The following SNX13 variants were observed in gnomAD, a reference collection of about 807,000 sequenced individuals.
SNX13 encodes sorting nexin-13.
SNX13 carries 45 observed loss-of-function variants against 133.6 expected under a neutral mutation model. The ratio of observed to expected loss-of-function variants is 0.34; its 90% CI spans 0.27 to 0.43. The LOEUF (loss-of-function observed/expected upper bound fraction) is 0.43, where lower values mean the gene tolerates loss of function less well. SNX13 is among the 20% of genes least tolerant of loss of function. The pLI, the probability that SNX13 is intolerant of heterozygous loss-of-function variation, is 1.00. For missense variants in SNX13, 1,032 were observed against 1,145.1 expected (o/e 0.90, Z 1.43); for synonymous variants, 414 against 373.9 (o/e 1.11, Z -1.24).
chr7:17,811,552 C>T (rs955230249), intron 20 of SNX13, among the ~76,000 whole-genome samples: 11 of 152,130 alleles, frequency 7.2e-5, no homozygotes, highest in Admixed American at 5.2e-4. Context: ...GAATCAATGT[C>T]GTGAAAATGG....
intron 1 of SNX13, among the ~76,000 whole-genome samples, chr7:17,917,317 C>T (rs937040235): frequency 2.0e-5 from 3 of 151,936 alleles, no homozygotes; most frequent in Admixed American, 6.6e-5. Flanking sequence ...TAGAGCAATC[C>T]GGCAAGGAAA....
At chr7:17,935,376 T>C (rs1158417805) in intron 1 of SNX13, among the ~76,000 whole-genome samples, 1 of 152,064 alleles carries the variant, frequency 6.6e-6, no homozygotes, top group East Asian at 1.9e-4. Flanking sequence ...GAGGGAGCAA[T>C]GGGGATATAC....
intron 1 of SNX13, among the ~76,000 whole-genome samples, chr7:17,931,590 C>A (rs1801394827): frequency 6.6e-6 from 1 of 152,144 alleles, no homozygotes; most frequent in Admixed American, 6.6e-5. Context: ...AGGTATAATA[C>A]CAATTCAGGT....
intron 11 of SNX13, among the ~76,000 whole-genome samples, chr7:17,848,089 C>G (rs1273653104): frequency 6.6e-6 from 1 of 152,100 alleles, no homozygotes; most frequent in African/African-American, 2.4e-5. Context: ...TGGCCGCACA[C>G]CACCCCATCC....
rs1191938222 is a variant in SNX13, at chr7:17,875,580, A to G, written c.564T>C (p.Gly188=). 2 of 1,610,180 alleles carry G rather than the reference A, an allele frequency of 1.2e-6. No homozygotes were observed. The highest frequency in any genetic ancestry group is 3.4e-5 in the Admixed American group (2 of 59,132). ...AGGTATCTACAAGATCTTCTGCTGT[A>G]CCTAAAGAAAAACAATTCAAGATAT... The part of the protein sequence containing the change: ...KITEKDDQVK[G]TAEDLVDTFF... The change falls in exon 7 of 26, where the codon GGT becomes GGC. Residue 188 remains glycine (G), a splice_region_variant and synonymous_variant. Transcript: ENST00000428135.
intron 2 of SNX13, among the ~76,000 whole-genome samples, chr7:17,895,224 T>C (rs1020990058): frequency 3.9e-5 from 6 of 152,194 alleles, no homozygotes; most frequent in African/African-American, 1.4e-4. Flanking sequence ...AGAACCTAAA[T>C]AGTAGTTTCA....
chr7:17,870,163 T>C (rs1793907839), intron 8 of SNX13, among the ~76,000 whole-genome samples: 1 of 152,140 alleles, frequency 6.6e-6, no homozygotes, highest in Non-Finnish European at 1.5e-5. Context: ...CAGCAATGTT[T>C]GTCAAACATG....
chr7:17,829,251 A>G (rs766351776), intron 16 of SNX13, among the ~76,000 whole-genome samples: 1 of 151,214 alleles, frequency 6.6e-6, no homozygotes. Context: ...AACAAACAAC[A>G]CCTTACCTGT....
intron 1 of SNX13, among the ~76,000 whole-genome samples, chr7:17,936,653 C>A (rs1293275466): frequency 6.6e-6 from 1 of 152,012 alleles, no homozygotes; most frequent in Non-Finnish European, 1.5e-5. Flanking sequence ...GAATTATAAT[C>A]CTAATTGCTC....
chr7:17,838,160 G>C (rs1789375086), intron 13 of SNX13, among the ~76,000 whole-genome samples: 1 of 151,906 alleles, frequency 6.6e-6, no homozygotes, highest in Non-Finnish European at 1.5e-5. Context: ...TAGCTAGCAA[G>C]AATCAGACCT....
intron 13 of SNX13, among the ~76,000 whole-genome samples, chr7:17,838,013 T>C (rs1475957355): frequency 6.6e-6 from 1 of 151,926 alleles, no homozygotes; most frequent in African/African-American, 2.4e-5. Flanking sequence ...CGAAACAGTA[T>C]ATAAATTTCT....
At chr7:17,891,018 T>C (rs556031666) in intron 4 of SNX13, among the ~76,000 whole-genome samples, 53 of 151,914 alleles carry the variant, frequency 3.5e-4, no homozygotes, top group Non-Finnish European at 6.8e-4. Flanking sequence ...CAACTCAATG[T>C]ATAATTTTTA....
intron 1 of SNX13, among the ~76,000 whole-genome samples, chr7:17,916,912 C>T (rs1479397514): frequency 6.6e-6 from 1 of 152,116 alleles, no homozygotes; most frequent in East Asian, 1.9e-4. Flanking sequence ...CAAAAATCCT[C>T]AACAAAATAC....
At chr7:17,836,065 T>C (rs1789097129) in intron 13 of SNX13, among the ~76,000 whole-genome samples, 1 of 151,996 alleles carries the variant, frequency 6.6e-6, no homozygotes, top group Non-Finnish European at 1.5e-5. Flanking sequence ...TGAAACATCA[T>C]ATTTTACGTT....
chr7:17,874,950 TA>T (rs1294670059), intron 7 of SNX13, among the ~76,000 whole-genome samples: 2 of 152,218 alleles, frequency 1.3e-5, no homozygotes, highest in African/African-American at 4.8e-5. Context: ...TTACTACAGA[TA>T]AAAAAATTCA....
At chr7:17,838,791 T>C (rs1183985155) in intron 13 of SNX13, among the ~76,000 whole-genome samples, 1 of 151,846 alleles carries the variant, frequency 6.6e-6, no homozygotes, top group Non-Finnish European at 1.5e-5. Flanking sequence ...TCTAATTTGA[T>C]TCCATTCTGA....
intron 20 of SNX13, among the ~76,000 whole-genome samples, chr7:17,810,088 A>C (rs1348475778): frequency 6.6e-6 from 1 of 152,136 alleles, no homozygotes; most frequent in Non-Finnish European, 1.5e-5. Context: ...ACAAATTCAA[A>C]AGCTAGCAGA....
intron 25 of SNX13, chr7:17,795,794 T>C (rs1051194747): frequency 6.6e-6 from 1 of 151,810 alleles, no homozygotes; most frequent in Admixed American, 6.6e-5. Context: ...TTTACTATAA[T>C]AGTATATTAA....
intron 13 of SNX13, among the ~76,000 whole-genome samples, chr7:17,838,630 G>A (rs1052974633): frequency 1.3e-5 from 2 of 151,822 alleles, no homozygotes; most frequent in African/African-American, 4.8e-5. Context: ...CTAAGTAGCT[G>A]CATCTCATGA....
Sources: gnomAD v4.1 joint callset for allele counts (sites outside exome capture counted in the v4.1 genomes callset) on GRCh38, gnomAD v4.1.1 for gene constraint, MANE v1.5 for transcripts, NCBI Gene and HGNC (gene_info 2026-07-23, HGNC 2026-07-21) for gene names.